RSRC1: variants seen among roughly 807,000 people sequenced by gnomAD.
The protein encoded by RSRC1 is serine/Arginine-related protein 53.
Under a neutral mutation model 49.1 loss-of-function variants are expected in RSRC1, and 39 were observed. The observed-to-expected ratio is 0.79, with a 90% CI of 0.61 to 1.04. RSRC1 has a LOEUF of 1.04. Ranked by LOEUF, RSRC1 falls within the 50% of genes least tolerant of loss-of-function variation. RSRC1 has a pLI of 0.00. For missense variants in RSRC1, 388 were observed against 402.4 expected, an observed-to-expected ratio of 0.96 and a Z score of 0.31; for synonymous variants, 143 against 130.8, an observed-to-expected ratio of 1.09 and a Z score of -0.63.
Position 158,113,762 on chromosome 3 carries a change from G to A in RSRC1, c.-3+3539G>A, listed in dbSNP as rs151222198. 1.2e-3 allele frequency among the ~76,000 whole-genome samples: 179 copies of A among 152,194 alleles called. 1 individual carries two copies. Among genetic ancestry groups the A allele is most frequent in the African/African-American group, 4.0e-3 (167 of 41,534 alleles). ...TTTCTCTAATGATCAGTGATGTTGA[G>A]TTTTTTCTCATATGTTTGTTGGCTG... is the stretch of plus-strand genomic sequence containing the variant. On this transcript the variant is annotated intron_variant, in intron 1 of 9. Transcript: ENST00000611884.
chr3:158,313,614 G>A (rs751106990), intron 5 of RSRC1, among the ~76,000 whole-genome samples: 6 of 152,160 alleles, frequency 3.9e-5, no homozygotes, highest in Non-Finnish European at 5.9e-5. Flanking sequence ...GAAGGCACAC[G>A]TATGAAAATT....
chr3:158,356,423 C>T (rs965513750), intron 6 of RSRC1, among the ~76,000 whole-genome samples: 22 of 152,102 alleles, frequency 1.4e-4, no homozygotes, highest in African/African-American at 5.1e-4. Flanking sequence ...ATACTAGCTT[C>T]CTGAATTACT....
At chr3:158,302,128 T>C (rs1370445092) in intron 5 of RSRC1, among the ~76,000 whole-genome samples, 2 of 152,034 alleles carry the variant, frequency 1.3e-5, no homozygotes, top group African/African-American at 4.8e-5. Context: ...TGTTTCTTTA[T>C]TAAGGGTCTG....
chr3:158,357,553 A>G (rs1017733890), intron 6 of RSRC1, among the ~76,000 whole-genome samples: 4 of 152,166 alleles, frequency 2.6e-5, no homozygotes, highest in Admixed American at 6.6e-5. Context: ...GGGCAAGTAG[A>G]TGGATAGGTA....
At chr3:158,460,798 G>C in intron 6 of RSRC1, 137 bp from the exon 7 acceptor site, 1 of 457,544 alleles carries the variant, frequency 2.2e-6, no homozygotes, top group African/African-American at 2.0e-5. Flanking sequence ...ATGTATTTCA[G>C]ATGTTCAACT....
chr3:158,470,930 G>A (rs1738109174), intron 7 of RSRC1, among the ~76,000 whole-genome samples: 1 of 152,196 alleles, frequency 6.6e-6, no homozygotes, highest in Non-Finnish European at 1.5e-5. Context: ...TGTACTAGAA[G>A]AGATCCAAAG....
intron 5 of RSRC1, among the ~76,000 whole-genome samples, chr3:158,338,121 TTA>T (rs1730022155): frequency 6.6e-6 from 1 of 152,212 alleles, no homozygotes. Flanking sequence ...AGTTTCACCT[TTA>T]TAGTTTAACA....
intron 3 of RSRC1, among the ~76,000 whole-genome samples, chr3:158,194,932 A>G (rs952290869): frequency 2.6e-5 from 4 of 152,092 alleles, no homozygotes; most frequent in Non-Finnish European, 5.9e-5. Context: ...AGTCTTTGCT[A>G]TTGTGCATAG....
chr3:158,148,553 A>G (rs984468022), intron 3 of RSRC1, among the ~76,000 whole-genome samples: 1 of 152,024 alleles, frequency 6.6e-6, no homozygotes, highest in African/African-American at 2.4e-5. Context: ...ATTCATCTGT[A>G]AATTGGGGTT....
At chr3:158,509,530 T>G (rs1740040388) in intron 7 of RSRC1, among the ~76,000 whole-genome samples, 1 of 152,130 alleles carries the variant, frequency 6.6e-6, no homozygotes, top group Non-Finnish European at 1.5e-5. Flanking sequence ...TATTTCTAAT[T>G]TTACAAATTT....
At chr3:158,504,348 G>A (rs1201444096) in intron 7 of RSRC1, among the ~76,000 whole-genome samples, 1 of 152,206 alleles carries the variant, frequency 6.6e-6, no homozygotes, top group Non-Finnish European at 1.5e-5. Context: ...CCTCTGTGAT[G>A]CTGTCTGTCC....
chr3:158,480,267 A>G (rs987929027), intron 7 of RSRC1, among the ~76,000 whole-genome samples: 12 of 152,208 alleles, frequency 7.9e-5, no homozygotes, highest in Non-Finnish European at 1.5e-4. Flanking sequence ...TATCAAATTA[A>G]TACAAATTAT....
chr3:158,423,545 G>A (rs572413980), intron 6 of RSRC1, among the ~76,000 whole-genome samples: 2 of 152,284 alleles, frequency 1.3e-5, no homozygotes, highest in African/African-American at 2.4e-5. Context: ...GCTCAGGATT[G>A]ACTTGGCGAT....
chr3:158,392,443 A>G (rs1331994217), intron 6 of RSRC1, among the ~76,000 whole-genome samples: 1 of 152,118 alleles, frequency 6.6e-6, no homozygotes, highest in East Asian at 1.9e-4. Context: ...TATGAGCTCC[A>G]TATTCATAGA....
At chr3:158,228,991 TAC>T (rs1722717670) in intron 4 of RSRC1, among the ~76,000 whole-genome samples, 8 of 68,816 alleles carry the variant, frequency 1.2e-4, no homozygotes, top group Non-Finnish European at 2.2e-4. Flanking sequence ...TAAACACACA[TAC>T]GTGTATATGT....
chr3:158,320,387 T>C lies in RSRC1; in HGVS notation c.531+22312T>C, dbSNP rs1473571356. 2.0e-5 allele frequency among the ~76,000 whole-genome samples: 3 copies of C among 152,232 alleles called. No individual in the cohort carries two copies. In the East Asian group the frequency reaches 5.8e-4, roughly 29 times the overall value. ...TGTAATATGTGTTTGTTCTGTTATA[T>C]GTAATATGTGTTTGTTATATGTAAT... On this transcript the variant is annotated intron_variant, in intron 5 of 9. Transcript: ENST00000611884.
chr3:158,533,914 G>T (rs1359086364), intron 7 of RSRC1, among the ~76,000 whole-genome samples: 2 of 151,596 alleles, frequency 1.3e-5, no homozygotes, highest in Admixed American at 6.6e-5. Context: ...GCTGGGCAAA[G>T]AATCTTCTCT....
intron 7 of RSRC1, among the ~76,000 whole-genome samples, chr3:158,487,961 A>AAAAAAAAAAAAAAC (rs1738894853): frequency 6.8e-6 from 1 of 147,610 alleles, no homozygotes; most frequent in African/African-American, 2.5e-5. Flanking sequence ...AAAAAAAAAA[A>AAAAAAAAAAAAAAC]AAAAAAAAAA....
chr3:158,469,083 G>A (rs1394069252), intron 7 of RSRC1, among the ~76,000 whole-genome samples: 2 of 151,964 alleles, frequency 1.3e-5, no homozygotes, highest in Non-Finnish European at 2.9e-5. Context: ...CTTTGATTTT[G>A]TCCATCTGTT....
Sources: gnomAD v4.1 joint callset for allele counts (sites outside exome capture counted in the v4.1 genomes callset) on GRCh38, gnomAD v4.1.1 for gene constraint, MANE v1.5 for transcripts, NCBI Gene and HGNC (gene_info 2026-07-23, HGNC 2026-07-21) for gene names.